Variants in PRH1 observed in about 807,000 individuals in gnomAD.
PRH1 encodes salivary acidic proline-rich phosphoprotein 1/2.
PRH1 carries 7 observed loss-of-function variants against 7.9 expected under a neutral mutation model. The observed-to-expected ratio is 0.89, with a 90% CI of 0.50 to 1.67. The LOEUF (loss-of-function observed/expected upper bound fraction) is 1.67. PRH1 is among the 40% of genes most tolerant of loss of function. The pLI, the probability that PRH1 is intolerant of heterozygous loss-of-function variation, is 0.00. For synonymous variants in PRH1, 45 were observed against 80.8 expected, an observed-to-expected ratio of 0.56 and a Z score of 2.38; for missense variants, 109 against 223.6, an observed-to-expected ratio of 0.49 and a Z score of 3.27.
downstream of PRH1, among the ~76,000 whole-genome samples, chr12:11,118,891 A>G (rs1290498894): frequency 6.7e-6 from 1 of 148,830 alleles, no homozygotes; most frequent in Non-Finnish European, 1.5e-5. Flanking sequence ...GCGACTCAGG[A>G]GGCTGAGGCA....
intron 1 of PRH1, among the ~76,000 whole-genome samples, chr12:11,142,595 TA>T (rs1946731788): frequency 6.6e-6 from 1 of 152,158 alleles, no homozygotes; most frequent in Non-Finnish European, 1.5e-5. Flanking sequence ...CGAAAGGAAT[TA>T]ATCGTTTTTC....
upstream of PRH1, among the ~76,000 whole-genome samples, chr12:10,884,956 G>T (rs753932937): frequency 6.6e-6 from 1 of 152,158 alleles, no homozygotes; most frequent in Non-Finnish European, 1.5e-5. Flanking sequence ...TATCTTTAGG[G>T]TTTATTAAAG....
chr12:10,905,717 G>A (rs906070823), intron 2 of PRH1, among the ~76,000 whole-genome samples: 1 of 151,864 alleles, frequency 6.6e-6, no homozygotes, highest in Non-Finnish European at 1.5e-5. Flanking sequence ...ATAGACCATA[G>A]AATACTATGT....
chr12:11,035,501 T>G (rs1226964387), intron 1 of PRH1, among the ~76,000 whole-genome samples: 9 of 152,238 alleles, frequency 5.9e-5, no homozygotes, highest in African/African-American at 1.9e-4. Flanking sequence ...ACTTTTGTTC[T>G]CCTTATATAA....
intron 2 of PRH1, among the ~76,000 whole-genome samples, chr12:10,906,761 T>C (rs184801175): frequency 5.0e-4 from 76 of 152,328 alleles, no homozygotes; most frequent in Middle Eastern, 3.4e-3. Flanking sequence ...TTTCCAGCCA[T>C]GTGGAACTGT....
intron 1 of PRH1, among the ~76,000 whole-genome samples, chr12:11,062,678 C>T (rs951819931): frequency 7.2e-5 from 11 of 152,094 alleles, no homozygotes; most frequent in Non-Finnish European, 1.5e-4. Flanking sequence ...ACCTCTCCAT[C>T]ATTTGTCTTT....
At chr12:10,978,843 A>C (rs1007632107) in intron 1 of PRH1, among the ~76,000 whole-genome samples, 1 of 152,208 alleles carries the variant, frequency 6.6e-6, no homozygotes, top group South Asian at 2.1e-4. Flanking sequence ...TCATTAAAGA[A>C]ATGCAAATCA....
In PRH1 at chr12:11,076,808, T is replaced by A. The variant is rs1350993736; in HGVS notation, n.124-29620A>T. ...AAATTTTATTGTGTGCATCATTAGC[T>A]AACAATTCTATTTGCTTTCTACCAA... On this transcript the variant is annotated intron_variant and non_coding_transcript_variant, in intron 1 of 4. Transcript: ENST00000541977. 4.3e-5 allele frequency: 5 copies of A among 115,616 alleles called. 2 individuals are homozygous for A. The allele number at this position is 115,616 out of a possible 1,614,324, so 7.2% of individuals were successfully genotyped here. A position where few individuals can be genotyped will look rare whatever the true frequency, so the allele number is the denominator to read the frequency against.
intron 1 of PRH1, among the ~76,000 whole-genome samples, chr12:11,042,620 A>ATTTTTTTTT (rs1337131350): frequency 3.2e-5 from 3 of 92,922 alleles, no homozygotes; most frequent in African/African-American, 4.0e-5. Flanking sequence ...TTCCAGGCTC[A>ATTTTTTTTT]TTCTTTTTTT....
At chr12:11,066,992 C>G (rs1163896170) in intron 1 of PRH1, among the ~76,000 whole-genome samples, 1 of 152,132 alleles carries the variant, frequency 6.6e-6, no homozygotes, top group Non-Finnish European at 1.5e-5. Flanking sequence ...AAAATACTCT[C>G]TGCAATAATA....
intron 1 of PRH1, among the ~76,000 whole-genome samples, chr12:11,098,741 A>G (rs549711945): frequency 2.0e-4 from 30 of 152,252 alleles, no homozygotes; most frequent in Non-Finnish European, 3.7e-4. Flanking sequence ...CTTGAGAACC[A>G]CAGGCAGGCC....
At chr12:11,071,651 G>A (rs1591950466) in intron 1 of PRH1, among the ~76,000 whole-genome samples, 2 of 152,214 alleles carry the variant, frequency 1.3e-5, no homozygotes, top group Non-Finnish European at 2.9e-5. Context: ...GTCATTTAAT[G>A]TGTTCTAAAT....
At chr12:11,135,266 C>A (rs1211141478) in intron 1 of PRH1, among the ~76,000 whole-genome samples, 1 of 152,148 alleles carries the variant, frequency 6.6e-6, no homozygotes, top group East Asian at 1.9e-4. Context: ...ATTTAACTTA[C>A]TTTGATGAAC....
intron 2 of PRH1, among the ~76,000 whole-genome samples, chr12:10,910,455 C>T (rs559696098): frequency 6.6e-6 from 1 of 151,882 alleles, no homozygotes; most frequent in African/African-American, 2.4e-5. Context: ...GACCCTGTAT[C>T]TAAAATAAAT....
rs183421466 is a variant in PRH1, at chr12:11,126,992, C to T, written n.40-5812G>A. ...TTAAGGCAGGCCTAATACCAATGGACAAGTTTCCCTTTAAGGTCCTGACCT... is the reference window on the plus strand; with the variant it reads ...TTAAGGCAGGCCTAATACCAATGGATAAGTTTCCCTTTAAGGTCCTGACCT... On this transcript the variant is annotated intron_variant and non_coding_transcript_variant, in intron 1 of 1. Coordinates refer to the PRH1 transcript ENST00000541175. Among the ~76,000 whole-genome samples the T allele has an allele frequency of 3.3e-5, 5 of 151,690 alleles. No individual in the cohort carries two copies. The East Asian group carries it at 9.7e-4, about 30-fold the overall frequency.
In PRH1 at chr12:11,078,064, C is replaced by T. The variant is rs1339382407; in HGVS notation, n.124-30876G>A. On this transcript the variant is annotated intron_variant and non_coding_transcript_variant, in intron 1 of 4. Transcript: ENST00000541977. ...TGCATACCAATGTAATAATATGACC[C>T]AGAGTAAACCAATTCTGGAGACCAC... The T allele has an allele frequency of 6.5e-6, 4 of 615,408 alleles. No homozygotes were observed. In the East Asian group the frequency reaches 7.8e-5, roughly 12 times the overall value. The allele number at this position is 615,408 out of a possible 1,614,324, so 38.1% of individuals were successfully genotyped here.
intron 1 of PRH1, among the ~76,000 whole-genome samples, chr12:10,989,662 T>A (rs1939833443): frequency 6.6e-6 from 1 of 152,194 alleles, no homozygotes; most frequent in Non-Finnish European, 1.5e-5. Flanking sequence ...CTTATGCACA[T>A]ATTTACCACT....
chr12:11,168,279 AG>A (rs1565725598), intron 1 of PRH1, among the ~76,000 whole-genome samples: 471 of 33,378 alleles, frequency 0.014, 111 homozygotes, highest in East Asian at 0.029. Flanking sequence ...AAAGAAAGAA[AG>A]AAAGAAAGAA....
intron 1 of PRH1, among the ~76,000 whole-genome samples, chr12:11,123,962 G>GT (rs1470021467): frequency 6.6e-6 from 1 of 152,094 alleles, no homozygotes; most frequent in Non-Finnish European, 1.5e-5. Context: ...TGATTTTGGG[G>GT]TTTTTTGTTT....
Sources: gnomAD v4.1 joint callset for allele counts (sites outside exome capture counted in the v4.1 genomes callset) on GRCh38, gnomAD v4.1.1 for gene constraint, MANE v1.5 for transcripts, NCBI Gene and HGNC (gene_info 2026-07-23, HGNC 2026-07-21) for gene names.